The following RBFOX2 variants were observed in gnomAD, a reference collection of about 807,000 sequenced individuals.
RBFOX2 encodes the protein RNA binding protein fox-1 homolog 2.
Under a neutral mutation model 49.1 loss-of-function variants are expected in RBFOX2, and 10 were observed. The observed-to-expected ratio is 0.20, with a 90% CI of 0.13 to 0.35. RBFOX2 has a LOEUF of 0.35. Ranked by LOEUF, RBFOX2 falls within the 10% of genes least tolerant of loss-of-function variation. RBFOX2 has a pLI of 1.00. For synonymous variants in RBFOX2, 183 were observed against 187.4 expected (o/e 0.98, Z 0.19); for missense variants, 323 against 486.9 (o/e 0.66, Z 3.17).
At chr22:35,905,445 T>C (rs1052138741) in intron 1 of RBFOX2, among the ~76,000 whole-genome samples, 8 of 152,156 alleles carry the variant, frequency 5.3e-5, no homozygotes, top group Non-Finnish European at 1.0e-4. Flanking sequence ...GCCCACTATT[T>C]TACTGTTAAG....
intron 1 of RBFOX2, among the ~76,000 whole-genome samples, chr22:35,975,584 G>A (rs1260996620): frequency 6.6e-6 from 1 of 152,032 alleles, no homozygotes; most frequent in Non-Finnish European, 1.5e-5. Context: ...TCAATTCAAA[G>A]GCAATTCTAA....
chr22:35,990,889 T>G (rs577646565), intron 1 of RBFOX2, among the ~76,000 whole-genome samples: 39 of 152,278 alleles, frequency 2.6e-4, no homozygotes, highest in African/African-American at 8.2e-4. Context: ...GTATAGGATT[T>G]TATGTAAGCA....
intron 1 of RBFOX2, among the ~76,000 whole-genome samples, chr22:35,960,404 C>T (rs764599431): frequency 5.9e-5 from 9 of 152,168 alleles, no homozygotes; most frequent in Non-Finnish European, 1.2e-4. Context: ...AACCCGATTT[C>T]AAAGAGTCTG....
intron 1 of RBFOX2, among the ~76,000 whole-genome samples, chr22:35,913,853 G>A (rs550804747): frequency 6.6e-6 from 1 of 152,110 alleles, no homozygotes; most frequent in African/African-American, 2.4e-5. Context: ...AAGAAAAGGG[G>A]AATGAGGAAG....
intron 2 of RBFOX2, among the ~76,000 whole-genome samples, chr22:35,792,448 AAAC>A (rs1476730793): frequency 6.6e-6 from 1 of 152,156 alleles, no homozygotes; most frequent in Non-Finnish European, 1.5e-5. Flanking sequence ...CACAAAAGTG[AAAC>A]ATTATTAACT....
intron 1 of RBFOX2, chr22:35,836,535 A>G (rs1196491182): frequency 6.6e-6 from 1 of 152,288 alleles, no homozygotes. Flanking sequence ...TCACTGCACT[A>G]TTTAAAGGAA....
chr22:35,758,453 G>A (rs960054198), intron 9 of RBFOX2, among the ~76,000 whole-genome samples: 1 of 152,078 alleles, frequency 6.6e-6, no homozygotes, highest in Non-Finnish European at 1.5e-5. Flanking sequence ...GGATTACAAC[G>A]GAAGACATTT....
At chr22:36,016,918 T>C (rs1005086326) in intron 1 of RBFOX2, among the ~76,000 whole-genome samples, 1 of 152,204 alleles carries the variant, frequency 6.6e-6, no homozygotes, top group Non-Finnish European at 1.5e-5. Flanking sequence ...CTCAGAATTC[T>C]CTTTATTCAT....
At position 35,815,033 on chromosome 22, in the gene RBFOX2, G is replaced by A. The variant is rs1427173913; in HGVS notation, c.28-5029C>T. 2.0e-5 allele frequency among the ~76,000 whole-genome samples: 3 copies of A among 152,156 alleles called. No homozygotes were observed. In the East Asian group the frequency reaches 5.8e-4, roughly 29 times the overall value. On this transcript the variant is annotated intron_variant, in intron 1 of 11. Coordinates refer to ENST00000405409, the Ensembl canonical transcript of RBFOX2. ...ACTATAGTATTACAGTCGTCAAACAGGAACCCATTCAACAGTCTATTGCCT... is the reference window on the plus strand; with the variant it reads ...ACTATAGTATTACAGTCGTCAAACAAGAACCCATTCAACAGTCTATTGCCT...
intron 2 of RBFOX2, among the ~76,000 whole-genome samples, chr22:35,798,446 C>T (rs899151243): frequency 2.0e-5 from 3 of 152,160 alleles, no homozygotes; most frequent in African/African-American, 7.2e-5. Flanking sequence ...GGCCAGATAA[C>T]CTGTATTTAA....
exon 12 of RBFOX2, chr22:35,741,040 G>C (rs999431895): frequency 6.6e-5 from 10 of 152,202 alleles, no homozygotes; most frequent in Admixed American, 1.3e-4. Flanking sequence ...GCTCAATTCA[G>C]ACTGTGGCTG....
chr22:35,967,263 C>CT (rs1447828340), intron 1 of RBFOX2, among the ~76,000 whole-genome samples: 1 of 152,056 alleles, frequency 6.6e-6, no homozygotes, highest in East Asian at 1.9e-4. Flanking sequence ...TCTTTGTTTT[C>CT]TTTTAGAAAC....
intron 3 of RBFOX2, among the ~76,000 whole-genome samples, chr22:35,779,554 T>C (rs1035577808): frequency 1.3e-5 from 2 of 152,246 alleles, no homozygotes; most frequent in Non-Finnish European, 2.9e-5. Context: ...TTTATGCTTA[T>C]CCTATAAAAC....
intron 1 of RBFOX2, among the ~76,000 whole-genome samples, chr22:35,834,863 A>G (rs1957369948): frequency 6.6e-6 from 1 of 152,206 alleles, no homozygotes; most frequent in Non-Finnish European, 1.5e-5. Context: ...ACTGTAAGGT[A>G]TAAGCACAGG....
intron 2 of RBFOX2, among the ~76,000 whole-genome samples, chr22:35,790,308 T>C (rs1369782262): frequency 6.6e-6 from 1 of 152,170 alleles, no homozygotes; most frequent in African/African-American, 2.4e-5. Context: ...CATTCTCCAA[T>C]GCAAACACAA....
At chr22:35,997,720 G>C (rs1333020257) in intron 1 of RBFOX2, 1 of 152,242 alleles carries the variant, frequency 6.6e-6, no homozygotes, top group Non-Finnish European at 1.5e-5. Context: ...GTCGGATGCA[G>C]TGGCTCACAC....
At position 35,933,582 on chromosome 22, in the gene RBFOX2, C is replaced by T. The variant is rs1275542311; in HGVS notation, c.-34+5265G>A. ...CCTCTTCCCTACCCATCCCCCAAAC[C>T]GAGTTGACTCTAAAACAATAGAACA... On this transcript the variant is annotated intron_variant, in intron 1 of 13. Coordinates refer to the RBFOX2 transcript ENST00000359369. 3.3e-5 allele frequency among the ~76,000 whole-genome samples: 5 copies of T among 152,154 alleles called. No individual in the cohort carries two copies. The South Asian group carries it at 8.3e-4, about 25-fold the overall frequency.
At chr22:36,008,383 G>A (rs576592950) in intron 1 of RBFOX2, among the ~76,000 whole-genome samples, 59 of 152,196 alleles carry the variant, frequency 3.9e-4, no homozygotes, top group South Asian at 1.2e-3. Context: ...CAATAAGAGA[G>A]GATTACATTA....
Position 35,966,672 on chromosome 22 carries a change from C to A in RBFOX2, c.187-27775G>T, listed in dbSNP as rs149751223. Among the ~76,000 whole-genome samples the A allele has an allele frequency of 1.8e-4, 27 of 152,188 alleles. No individual in the cohort carries two copies. The East Asian group carries it at 4.4e-3, about 25-fold the overall frequency. On this transcript the variant is annotated intron_variant, in intron 1 of 13. Transcript: ENST00000438146. ...TTGCCCATTTTGCTACTGGGTTGTTCAAAAGATTCATTAAAAGAACTTCTT... is the reference window on the plus strand; with the variant it reads ...TTGCCCATTTTGCTACTGGGTTGTTAAAAAGATTCATTAAAAGAACTTCTT...
Sources: allele counts gnomAD v4.1 joint callset (sites outside exome capture counted in the v4.1 genomes callset), GRCh38; gene constraint gnomAD v4.1.1; transcripts MANE v1.5; gene names NCBI Gene and HGNC (gene_info 2026-07-23, HGNC 2026-07-21).